PBXIP1: variants seen among roughly 807,000 people sequenced by gnomAD.
PBXIP1 encodes the protein PBX homeobox interacting protein 1.
Under a neutral mutation model 73.7 loss-of-function variants are expected in PBXIP1, and 73 were observed. That is an observed-to-expected ratio of 0.99 (90% CI 0.82 to 1.20). PBXIP1 has a LOEUF of 1.20. PBXIP1 is among the 50% of genes most tolerant of loss of function. The probability of loss-of-function intolerance (pLI) is 0.00; values close to 1 mark genes in which losing one functional copy is unlikely to be tolerated. For synonymous variants in PBXIP1, 330 were observed against 366.9 expected (o/e 0.90, Z 1.15); for missense variants, 818 against 911.4 (o/e 0.90, Z 1.32).
Position 154,952,000 on chromosome 1 carries a change from G to C in PBXIP1, c.52-79C>G. 1 of 1,489,732 alleles carries C rather than the reference G, an allele frequency of 6.7e-7. No homozygotes were observed. Among genetic ancestry groups the C allele is most frequent in the Non-Finnish European group, 9.0e-7 (1 of 1,107,028 alleles). 92.3% of individuals were successfully genotyped at this position (1,489,732 alleles called of 1,614,324 possible). On this transcript the variant is annotated intron_variant, in intron 2 of 10. Transcript: ENST00000368463. The surrounding 1 kb of genome is among the most constrained non-coding windows in gnomAD (Gnocchi z 4.3). ...CACATCCCAGAAACACACACATTCAGTCATGAGCTGGCCCAAAAAGGGGCT... is the reference window on the plus strand; with the variant it reads ...CACATCCCAGAAACACACACATTCACTCATGAGCTGGCCCAAAAAGGGGCT...
chr1:154,952,068 T>C, intron 2 of PBXIP1, 147 bp from the exon 3 acceptor site: 2 of 806,222 alleles, frequency 2.5e-6, no homozygotes, highest in Non-Finnish European at 1.9e-6. Flanking sequence ...CCTCACTCAC[T>C]GCGAGGAGGA....
rs1380294101 is a variant in PBXIP1, at chr1:154,951,116, C to T, written c.409+116G>A. 3.3e-6 allele frequency: 3 copies of T among 897,126 alleles called. No homozygotes were observed. Among genetic ancestry groups the T allele is most frequent in the Non-Finnish European group, 5.2e-6 (3 of 575,402 alleles). 55.6% of individuals were successfully genotyped at this position (897,126 alleles called of 1,614,324 possible). A position where few individuals can be genotyped will look rare whatever the true frequency, so the allele number is the denominator to read the frequency against. ...CAGGGGTAGTGGTGAGAAAGGAGAG[C>T]ACCAAGCTGCTCAGCCCTAGGGCCT... On this transcript the variant is annotated intron_variant, in intron 5 of 10. Coordinates refer to ENST00000368463, the MANE Select transcript of PBXIP1 (RefSeq NM_020524.4). This position sits in a 1 kb window ranked among gnomAD's most constrained non-coding sequence, Gnocchi z 4.3.
In PBXIP1 at chr1:154,944,983, G is replaced by T; in HGVS notation, c.*41C>A. 1 of 1,517,418 alleles carries T rather than the reference G, an allele frequency of 6.6e-7. No individual in the cohort carries two copies. Among genetic ancestry groups the T allele is most frequent in the Non-Finnish European group, 9.1e-7 (1 of 1,093,146 alleles). 94.0% of individuals were successfully genotyped at this position (1,517,418 alleles called of 1,614,324 possible). A position where few individuals can be genotyped will look rare whatever the true frequency, so the allele number is the denominator to read the frequency against. ...AGGAGTTAGATAACGCTGGGATCTT[G>T]GGCTGGGCCAGGCCAAGGCCATTCC... On this transcript the variant is annotated 3_prime_UTR_variant, in exon 11 of 11. Transcript: ENST00000368463.
In PBXIP1 at chr1:154,948,305, C is replaced by T. The variant is rs1654900145; in HGVS notation, c.471G>A (p.Glu157=). The T allele has an allele frequency of 6.2e-7, 1 of 1,611,196 alleles. No homozygotes were observed. Among genetic ancestry groups the T allele is most frequent in the Admixed American group, 1.7e-5 (1 of 59,612 alleles). Reference sequence around the variant, plus strand: ...CCCGGCCCCGCCGTCTCCGCAGACCCTCCATGTCCACGTCGGTGTCATCGT... The same window carrying T: ...CCCGGCCCCGCCGTCTCCGCAGACCTTCCATGTCCACGTCGGTGTCATCGT... ...SSDDDTDVDM[E]GLRRRRGREA... Residue 157 remains glutamate (E), a synonymous_variant, in exon 6 of 11, where the codon GAG becomes GAA. Coordinates refer to ENST00000368463, the MANE Select transcript of PBXIP1 (RefSeq NM_020524.4).
chr1:154,952,416 C>A (rs1275325964), intron 2 of PBXIP1, among the ~76,000 whole-genome samples: 2 of 152,042 alleles, frequency 1.3e-5, no homozygotes, highest in African/African-American at 4.8e-5. Flanking sequence ...CCCCGACACC[C>A]GTCTCCCAGC....
rs148903674 is a variant in PBXIP1 at position 154,946,783 on chromosome 1, C to T, written c.891G>A (p.Gln297=). 4.8e-4 allele frequency: 746 copies of T among 1,540,190 alleles called. 1 individual carries two copies. The African/African-American group carries it at 8.3e-3, about 17-fold the overall frequency. Residue 297 remains glutamine (Q), a synonymous_variant, in exon 10 of 11, where the codon CAG becomes CAA. Coordinates refer to ENST00000368463, the MANE Select transcript of PBXIP1 (RefSeq NM_020524.4). ...GCCCTTTGGGCTGGTGCATCAGGCT[C>T]TGAAGCTCTTCCTTTTGGGCCTAGA... ...AQLQAQKEEL[Q]SLMHQPKGLE...
chr1:154,945,439 G>A (rs1003982977), intron 10 of PBXIP1, 133 bp downstream of exon 10: 20 of 944,580 alleles, frequency 2.1e-5, no homozygotes, highest in Non-Finnish European at 3.1e-5. Flanking sequence ...GAAAGGAAGC[G>A]GACCTGAATG....
intron 5 of PBXIP1, 93 bp from the exon 6 acceptor site, chr1:154,948,459 AG>A (rs1295955854): frequency 4.3e-6 from 4 of 934,378 alleles, no homozygotes; most frequent in Non-Finnish European, 6.4e-6. Flanking sequence ...ACAGGGAGGG[AG>A]GTCGTCAGCC....
At chr1:154,952,436 C>A (rs1655039119) in intron 2 of PBXIP1, among the ~76,000 whole-genome samples, 1 of 152,058 alleles carries the variant, frequency 6.6e-6, no homozygotes, top group Non-Finnish European at 1.5e-5. Context: ...CAGCTGCTCA[C>A]AGAAGCCCAA....
chr1:154,947,487 T>C lies in PBXIP1; in HGVS notation c.800A>G (p.Asn267Ser). The C allele has an allele frequency of 6.2e-7, 1 of 1,613,414 alleles. No homozygotes were observed. The highest frequency in any genetic ancestry group is 8.5e-7 in the Non-Finnish European group (1 of 1,179,620). Reference sequence around the variant, plus strand: ...CAGCTTGTCCAGCAGAAGACCCATGTTTTGCAGGCTGGGGACACTGTCAGG... The same window carrying C: ...CAGCTTGTCCAGCAGAAGACCCATGCTTTGCAGGCTGGGGACACTGTCAGG... ...VPPDSVPSLQNMGLLLDKLAK... is the reference protein window; with the variant it reads ...VPPDSVPSLQSMGLLLDKLAK... Residue 267 changes from asparagine to serine, a missense_variant, in exon 9 of 11, where the codon AAC becomes AGC. Physicochemically the swap from Asn to Ser is conservative, Grantham distance 46. Coordinates refer to ENST00000368463, the MANE Select transcript of PBXIP1 (RefSeq NM_020524.4).
intron 2 of PBXIP1, 31 bp downstream of exon 2, chr1:154,953,640 C>T (rs1461912838): frequency 3.3e-6 from 5 of 1,501,986 alleles, no homozygotes; most frequent in Non-Finnish European, 1.9e-6. Context: ...CCCAACCCCA[C>T]CCCCATGGTT....
At position 154,945,979 on chromosome 1, in the gene PBXIP1, C is replaced by T; in HGVS notation, c.1695G>A (p.Lys565=). 1.2e-6 allele frequency: 2 copies of T among 1,614,026 alleles called. No individual in the cohort carries two copies. Among genetic ancestry groups the T allele is most frequent in the Non-Finnish European group, 1.7e-6 (2 of 1,179,914 alleles). ...AGGATGGCAGGGGGTCATGGCTGTCCTTAGTCCCTTCCCTCCACCGAGGTT... is the reference window on the plus strand; with the variant it reads ...AGGATGGCAGGGGGTCATGGCTGTCTTTAGTCCCTTCCCTCCACCGAGGTT... ...QKQPRWREGT[K]DSHDPLPSWA... Residue 565 remains lysine (K), a synonymous_variant, in exon 10 of 11, where the codon AAG becomes AAA. Transcript: ENST00000368463.
At position 154,951,952 on chromosome 1, in the gene PBXIP1, C is replaced by T; in HGVS notation, c.52-31G>A. ...AGGAGAAGTGCAAGGAGAAGGGCTG[C>T]ACCCAAGAATGGGGCCCCAGCCCAC... On this transcript the variant is annotated intron_variant, in intron 2 of 10. Transcript: ENST00000368463. The surrounding 1 kb of genome is among the most constrained non-coding windows in gnomAD (Gnocchi z 4.3). 6.3e-7 allele frequency: 1 copy of T among 1,583,142 alleles called. No homozygotes were observed. Among genetic ancestry groups the T allele is most frequent in the Non-Finnish European group, 8.5e-7 (1 of 1,170,250 alleles).
rs368644248 is a variant in PBXIP1 at position 154,948,165 on chromosome 1, A to T, written c.611T>A (p.Val204Asp). Reference protein sequence around the residue: ...SLNMCLLGALVLLGLGVLLFS... With the variant: ...SLNMCLLGALDLLGLGVLLFS... ...GAGGAGGACCCCCAGGCCAAGCAGAACCAGGGCCCCAAGGAGGCACATGTT... is the reference window on the plus strand; with the variant it reads ...GAGGAGGACCCCCAGGCCAAGCAGATCCAGGGCCCCAAGGAGGCACATGTT... The change falls in exon 6 of 11, where the codon GTT (valine) becomes GAT (aspartate). Residue 204 changes from valine (V) to aspartate (D), a missense_variant. Physicochemically the swap from Val to Asp is radical, Grantham distance 152. Transcript: ENST00000368463. The T allele has an allele frequency of 3.2e-5, 51 of 1,595,886 alleles. No individual in the cohort carries two copies. The highest frequency in any genetic ancestry group is 4.3e-5 in the Non-Finnish European group (50 of 1,169,630).
At chr1:154,952,186 G>A (rs963318939) in intron 2 of PBXIP1, among the ~76,000 whole-genome samples, 5 of 152,104 alleles carry the variant, frequency 3.3e-5, no homozygotes, top group South Asian at 2.1e-4. Flanking sequence ...TAGAGCCTAC[G>A]TTTCCCTCCC....
In PBXIP1 at chr1:154,951,179, T is replaced by G. The variant is rs1408454658; in HGVS notation, c.409+53A>C. 1 of 1,549,496 alleles carries G rather than the reference T, an allele frequency of 6.5e-7. No homozygotes were observed. Among genetic ancestry groups the G allele is most frequent in the African/African-American group, 1.4e-5 (1 of 73,788 alleles). On this transcript the variant is annotated intron_variant, in intron 5 of 10. Transcript: ENST00000368463. The surrounding 1 kb of genome is among the most constrained non-coding windows in gnomAD (Gnocchi z 4.3). Reference sequence around the variant, plus strand: ...GTGCTCAGTAGTGATGGCTGATCCCTCTCCCATACCTTCTAGAAGGAGAGT... The same window carrying G: ...GTGCTCAGTAGTGATGGCTGATCCCGCTCCCATACCTTCTAGAAGGAGAGT...
Position 154,948,227 on chromosome 1 carries a change from C to T in PBXIP1, c.549G>A (p.Gly183=). Residue 183 remains glycine, a synonymous_variant, in exon 6 of 11, where the codon GGG becomes GGA. Transcript: ENST00000368463. ...MVPLAVENQA[G]GEGAGGELGI... ...CCAGCTCCCCGCCTGCACCCTCACC[C>T]CCAGCCTGGTTCTCCACAGCCAGGG... 2 of 1,612,674 alleles carry T rather than the reference C, an allele frequency of 1.2e-6. No homozygotes were observed. The highest frequency in any genetic ancestry group is 1.7e-6 in the Non-Finnish European group (2 of 1,179,364).
chr1:154,953,065 C>T (rs539601393), intron 2 of PBXIP1, among the ~76,000 whole-genome samples: 177 of 152,322 alleles, frequency 1.2e-3, no homozygotes, highest in African/African-American at 4.0e-3. Flanking sequence ...CCTTCTCCCT[C>T]CTCAGTGGGC....
intron 9 of PBXIP1, 57 bp from the exon 10 acceptor site, chr1:154,946,860 A>T: frequency 6.8e-7 from 1 of 1,467,916 alleles, no homozygotes; most frequent in Non-Finnish European, 9.1e-7. Flanking sequence ...GGATAGCCCC[A>T]ATGCCTTCTA....
Sources: allele counts gnomAD v4.1 joint callset (sites outside exome capture counted in the v4.1 genomes callset), GRCh38; gene constraint gnomAD v4.1.1; non-coding constraint Gnocchi (gnomAD v3.1); transcripts MANE v1.5; gene names NCBI Gene and HGNC (gene_info 2026-07-23, HGNC 2026-07-21).